Variants in MTARC2 observed in about 807,000 individuals in gnomAD.
The protein encoded by MTARC2 is MOCO sulphurase C-terminal domain containing 2.
Under a neutral mutation model 35.6 loss-of-function variants are expected in MTARC2, and 27 were observed. That is an observed-to-expected ratio of 0.76 (90% CI 0.56 to 1.04). MTARC2 has a LOEUF of 1.04. Ranked by LOEUF, MTARC2 falls within the 50% of genes least tolerant of loss-of-function variation. The probability of loss-of-function intolerance (pLI) is 0.00; values close to 1 mark genes in which losing one functional copy is unlikely to be tolerated. For synonymous variants in MTARC2, 158 were observed against 167.1 expected, an observed-to-expected ratio of 0.95 and a Z score of 0.42; for missense variants, 412 against 432.5, an observed-to-expected ratio of 0.95 and a Z score of 0.42.
Position 220,780,243 on chromosome 1 carries a change from G to T in MTARC2, c.884+4G>T. The T allele has an allele frequency of 6.2e-7, 1 of 1,609,150 alleles. No homozygotes were observed. Among genetic ancestry groups the T allele is most frequent in the Non-Finnish European group, 8.5e-7 (1 of 1,178,224 alleles). ...AGCCACTGGACACCCTGAAGAGGTA[G>T]AATACCACCACAGCCAGTGTATTTT... On this transcript the variant is annotated splice_donor_region_variant and intron_variant, in intron 6 of 7. Coordinates refer to ENST00000366913, the MANE Select transcript of MTARC2 (RefSeq NM_017898.5).
Position 220,755,037 on chromosome 1 carries a change from C to A in MTARC2, c.363C>A (p.Asn121Lys). 1 of 1,613,500 alleles carries A rather than the reference C, an allele frequency of 6.2e-7. No homozygotes were observed. Among genetic ancestry groups the A allele is most frequent in the Non-Finnish European group, 8.5e-7 (1 of 1,179,748 alleles). The change falls in exon 2 of 8, where the codon AAC (asparagine) becomes AAA (lysine). Residue 121 changes from asparagine (N) to lysine (K), a missense_variant. Coordinates refer to ENST00000366913, the MANE Select transcript of MTARC2 (RefSeq NM_017898.5). ...TCATCTCCATCATTTATGAGAATAA[C>A]TGCCTGATCTTCAGGGCTCCAGACA... is the stretch of plus-strand genomic sequence containing the variant. The part of the protein sequence containing the change: ...LVLISIIYEN[N>K]CLIFRAPDMD...
intron 4 of MTARC2, among the ~76,000 whole-genome samples, chr1:220,765,719 T>G (rs991249131): frequency 6.6e-6 from 1 of 152,192 alleles, no homozygotes. Flanking sequence ...TAGCTGGGAC[T>G]ACAGGCATAT....
chr1:220,754,180 C>T (rs768245211), intron 1 of MTARC2, among the ~76,000 whole-genome samples: 3 of 152,132 alleles, frequency 2.0e-5, no homozygotes, highest in African/African-American at 4.8e-5. Context: ...TGGTACAGCC[C>T]CAACCTATAT....
At chr1:220,772,274 G>T (rs898817886) in intron 4 of MTARC2, among the ~76,000 whole-genome samples, 2 of 152,148 alleles carry the variant, frequency 1.3e-5, no homozygotes, top group Admixed American at 1.3e-4. Context: ...CATTTTAAAG[G>T]CTCTCTGTAT....
intron 4 of MTARC2, among the ~76,000 whole-genome samples, chr1:220,772,239 G>A (rs1021286572): frequency 2.6e-5 from 4 of 152,186 alleles, no homozygotes; most frequent in African/African-American, 9.7e-5. Flanking sequence ...ATTTCCAAAA[G>A]TATTCTTAGG....
rs79908328 is a variant in MTARC2 at position 220,761,314 on chromosome 1, C to T, written c.447-344C>T. Among the ~76,000 whole-genome samples, 1,383 of 152,342 alleles carry T rather than the reference C, an allele frequency of 9.1e-3. 18 individuals are homozygous for T. Among genetic ancestry groups the T allele is most frequent in the African/African-American group, 0.03 (1,236 of 41,580 alleles). ...TCTGCCACAGGGCAGCCCCTCTCCT[C>T]TTGTGAAAGTGTCCTAAATCCTTAC... On this transcript the variant is annotated intron_variant, in intron 2 of 7. Transcript: ENST00000366913.
chr1:220,779,051 T>C (rs922780430), intron 4 of MTARC2, among the ~76,000 whole-genome samples: 1 of 152,222 alleles, frequency 6.6e-6, no homozygotes, highest in African/African-American at 2.4e-5. Context: ...TAAATATGTA[T>C]GCATTTCTCC....
intron 1 of MTARC2, chr1:220,754,393 G>T (rs770155330): frequency 4.4e-6 from 2 of 456,230 alleles, no homozygotes; most frequent in Admixed American, 4.7e-5. Flanking sequence ...AGGAAAGGCT[G>T]TTTGGGAGGT....
chr1:220,780,076 C>T lies in MTARC2; in HGVS notation c.809C>T (p.Pro270Leu). Residue 270 changes from proline to leucine, a missense_variant, in exon 5 of 8, where the codon CCC becomes CTC. Pro to Leu is a moderately conservative substitution (Grantham distance 98). Coordinates refer to ENST00000366913, the MANE Select transcript of MTARC2 (RefSeq NM_017898.5). ...GAAGTGAAAAAGGTAATGGCATGCC[C>T]CAGGTAAGGAGCCTAGCTAGACCCC... is the stretch of plus-strand genomic sequence containing the variant. ...SVEVKKVMAC[P>L]RCILTTVDPD... 1 of 1,554,032 alleles carries T rather than the reference C, an allele frequency of 6.4e-7. No homozygotes were observed. The highest frequency in any genetic ancestry group is 8.6e-7 in the Non-Finnish European group (1 of 1,159,158).
At chr1:220,760,000 A>G (rs1298882106) in intron 2 of MTARC2, among the ~76,000 whole-genome samples, 1 of 152,132 alleles carries the variant, frequency 6.6e-6, no homozygotes, top group African/African-American at 2.4e-5. Context: ...AGGAGTCCTC[A>G]CACTGGTATG....
At chr1:220,760,598 T>G (rs1337133062) in intron 2 of MTARC2, among the ~76,000 whole-genome samples, 1 of 152,234 alleles carries the variant, frequency 6.6e-6, no homozygotes, top group Non-Finnish European at 1.5e-5. Flanking sequence ...TCAAATAAAA[T>G]TTCACTTTTT....
intron 4 of MTARC2, among the ~76,000 whole-genome samples, chr1:220,768,417 T>C (rs538101569): frequency 3.9e-5 from 6 of 152,300 alleles, no homozygotes; most frequent in Non-Finnish European, 8.8e-5. Context: ...GGTAGTGTTT[T>C]GATCCTTGTT....
At chr1:220,779,709 A>G (rs1482965450) in intron 4 of MTARC2, among the ~76,000 whole-genome samples, 1 of 152,006 alleles carries the variant, frequency 6.6e-6, no homozygotes, top group East Asian at 1.9e-4. Context: ...CAAGTTACAC[A>G]TTTCTCATTG....
chr1:220,768,720 T>A (rs1671651291), intron 4 of MTARC2, among the ~76,000 whole-genome samples: 1 of 152,134 alleles, frequency 6.6e-6, no homozygotes, highest in African/African-American at 2.4e-5. Flanking sequence ...AGAACAGGTA[T>A]CAGCTTTGGC....
chr1:220,783,337 A>G (rs1672133553), intron 7 of MTARC2, among the ~76,000 whole-genome samples: 1 of 152,222 alleles, frequency 6.6e-6, no homozygotes, highest in Non-Finnish European at 1.5e-5. Flanking sequence ...AGTACCTGGC[A>G]TTTCTAAAAG....
In MTARC2 at chr1:220,748,739, G is replaced by A; in HGVS notation, c.208G>A (p.Gly70Arg). ...LWIYPVKSCK[G>R]VPVSEAECTA... ...GATCTACCCGGTGAAATCCTGCAAA[G>A]GGGTGCCGGTGAGCGAGGCTGAGTG... Residue 70 changes from glycine (G) to arginine (R), a missense_variant, in exon 1 of 8, where the codon GGG becomes AGG. By Grantham distance (125) the Gly-to-Arg change is moderately radical. Transcript: ENST00000366913. 6.2e-7 allele frequency: 1 copy of A among 1,600,746 alleles called. No homozygotes were observed. Among genetic ancestry groups the A allele is most frequent in the East Asian group, 2.3e-5 (1 of 44,034 alleles).
chr1:220,748,819 G>C lies in MTARC2; in HGVS notation c.272+16G>C. The C allele has an allele frequency of 6.4e-7, 1 of 1,567,640 alleles. No individual in the cohort carries two copies. Among genetic ancestry groups the C allele is most frequent in the Non-Finnish European group, 8.6e-7 (1 of 1,158,914 alleles). Reference sequence around the variant, plus strand: ...TGCGGGACAGGTACAGCACAGCGCGGGCGCGGGGCAGCGCGGAGCCTGCCT... The same window carrying C: ...TGCGGGACAGGTACAGCACAGCGCGCGCGCGGGGCAGCGCGGAGCCTGCCT... On this transcript the variant is annotated intron_variant, in intron 1 of 7. Coordinates refer to ENST00000366913, the MANE Select transcript of MTARC2 (RefSeq NM_017898.5).
At chr1:220,762,528 T>C (rs564360264) in intron 3 of MTARC2, among the ~76,000 whole-genome samples, 1 of 152,330 alleles carries the variant, frequency 6.6e-6, no homozygotes, top group Admixed American at 6.5e-5. Flanking sequence ...TGGTAGGTGC[T>C]CAGTAAATGC....
At chr1:220,771,907 A>G (rs1385777064) in intron 4 of MTARC2, among the ~76,000 whole-genome samples, 1 of 152,180 alleles carries the variant, frequency 6.6e-6, no homozygotes, top group African/African-American at 2.4e-5. Context: ...GTATCCCAGA[A>G]CTTAAAGTAA....
Sources: allele counts gnomAD v4.1 joint callset (sites outside exome capture counted in the v4.1 genomes callset), GRCh38; gene constraint gnomAD v4.1.1; transcripts MANE v1.5; gene names NCBI Gene and HGNC (gene_info 2026-07-23, HGNC 2026-07-21).